PARM1: variants seen among roughly 807,000 people sequenced by gnomAD.
PARM1 encodes the protein WSC4, cell wall integrity and stress response component 4 homolog.
A neutral mutation model predicts 24.6 loss-of-function variants in PARM1; 14 were observed. The observed-to-expected ratio is 0.57, with a 90% CI of 0.38 to 0.89. The LOEUF is 0.89. PARM1 is among the 40% of genes least tolerant of loss of function. The probability of loss-of-function intolerance (pLI) is 0.00; values close to 1 mark genes in which losing one functional copy is unlikely to be tolerated. For synonymous variants in PARM1, 179 were observed against 156.6 expected (o/e 1.14, Z -1.07); for missense variants, 362 against 380.4 (o/e 0.95, Z 0.40).
At chr4:75,010,958 G>A (rs1722858889) in intron 1 of PARM1, among the ~76,000 whole-genome samples, 3 of 152,194 alleles carry the variant, frequency 2.0e-5, no homozygotes, top group African/African-American at 7.2e-5. Flanking sequence ...CTCAGCTTCT[G>A]GTGATGCCCT....
intron 1 of PARM1, among the ~76,000 whole-genome samples, chr4:74,952,191 A>G (rs975940690): frequency 2.0e-5 from 3 of 152,210 alleles, no homozygotes; most frequent in Non-Finnish European, 4.4e-5. Context: ...ATGACCAGTA[A>G]TGATGAGCTT....
rs1200551781 is a variant in PARM1, at chr4:75,049,870, T to C, written c.*3623T>C. On this transcript the variant is annotated 3_prime_UTR_variant, in exon 4 of 4. Transcript: ENST00000307428. ...TTGCCTTTAAGCCTTTTTTTTCTTT[T>C]TTTTTTTTTTGGCAAATGAATGTAC... is the stretch of plus-strand genomic sequence containing the variant. 6.6e-6 allele frequency: 1 copy of C among 151,590 alleles called. No individual in the cohort carries two copies. Among genetic ancestry groups the C allele is most frequent in the Non-Finnish European group, 1.5e-5 (1 of 67,858 alleles). 9.4% of individuals were successfully genotyped at this position (151,590 alleles called of 1,614,324 possible).
intron 1 of PARM1, among the ~76,000 whole-genome samples, chr4:74,950,442 C>A (rs2109984394): frequency 6.6e-6 from 1 of 152,254 alleles, no homozygotes; most frequent in Non-Finnish European, 1.5e-5. Flanking sequence ...CACTCTGTGT[C>A]CAAACTTCCC....
At chr4:75,036,116 T>G (rs1389332973) in intron 3 of PARM1, among the ~76,000 whole-genome samples, 3 of 152,128 alleles carry the variant, frequency 2.0e-5, no homozygotes, top group African/African-American at 7.2e-5. Context: ...AATTTTAGAG[T>G]CATTTTAGAA....
In PARM1 at chr4:75,047,622, A is replaced by T. The variant is rs965946780; in HGVS notation, c.*1375A>T. ...CTAGAAGCCAGGAATGCTGCCAAAC[A>T]TTCTACCATGCACAGCACAACCTAC... On this transcript the variant is annotated 3_prime_UTR_variant, in exon 4 of 4. Coordinates refer to ENST00000307428, the MANE Select transcript of PARM1 (RefSeq NM_015393.4). The T allele has an allele frequency of 6.6e-6, 1 of 152,226 alleles. No individual in the cohort carries two copies. Among genetic ancestry groups the T allele is most frequent in the Non-Finnish European group, 1.5e-5 (1 of 68,040 alleles). The allele number at this position is 152,226 out of a possible 1,614,324, so 9.4% of individuals were successfully genotyped here. A position where few individuals can be genotyped will look rare whatever the true frequency, so the allele number is the denominator to read the frequency against.
intron 1 of PARM1, among the ~76,000 whole-genome samples, chr4:74,978,130 T>C (rs926338495): frequency 6.6e-6 from 1 of 152,192 alleles, no homozygotes; most frequent in African/African-American, 2.4e-5. Context: ...TATCCTTAAA[T>C]GTAAATGGGC....
At chr4:74,934,153 G>T (rs1452794564) in intron 1 of PARM1, among the ~76,000 whole-genome samples, 1 of 152,150 alleles carries the variant, frequency 6.6e-6, no homozygotes, top group Non-Finnish European at 1.5e-5. Flanking sequence ...GAAGAGGGGA[G>T]CCAGATGACT....
At chr4:75,011,178 T>G (rs1722862380) in intron 1 of PARM1, among the ~76,000 whole-genome samples, 1 of 152,158 alleles carries the variant, frequency 6.6e-6, no homozygotes, top group South Asian at 2.1e-4. Flanking sequence ...CTTCCAACAC[T>G]GGCATTTACA....
intron 1 of PARM1, among the ~76,000 whole-genome samples, chr4:74,966,574 T>C (rs1303969732): frequency 6.6e-6 from 1 of 152,178 alleles, no homozygotes; most frequent in Non-Finnish European, 1.5e-5. Context: ...TTGCTGAGAC[T>C]GGACTAGGCA....
At chr4:74,934,996 C>CTTTTTTT (rs11392364) in intron 1 of PARM1, among the ~76,000 whole-genome samples, 36 of 116,482 alleles carry the variant, frequency 3.1e-4, no homozygotes, top group Middle Eastern at 4.1e-3. Context: ...GCTCTTTTTT[C>CTTTTTTT]TTTTTTTTTT....
Position 75,012,897 on chromosome 4 carries a change from C to T in PARM1, c.516C>T (p.Ser172=), listed in dbSNP as rs768156006. 30 of 1,613,850 alleles carry T rather than the reference C, an allele frequency of 1.9e-5. No individual in the cohort carries two copies. Among genetic ancestry groups the T allele is most frequent in the South Asian group, 5.5e-5 (5 of 91,082 alleles). ...STSPPEVFSA[S]VTTNHSSTVT... ...CACCACCTGAGGTCTTTTCTGCCTC[C>T]GTTACTACCAACCATAGCTCCACTG... Residue 172 remains serine, a synonymous_variant, in exon 2 of 4, where the codon TCC becomes TCT. Coordinates refer to ENST00000307428, the MANE Select transcript of PARM1 (RefSeq NM_015393.4).
At chr4:74,945,800 C>A (rs1420203312) in intron 1 of PARM1, among the ~76,000 whole-genome samples, 1 of 152,120 alleles carries the variant, frequency 6.6e-6, no homozygotes, top group African/African-American at 2.4e-5. Context: ...ATTTATTTTT[C>A]TTTTGGCAAC....
intron 2 of PARM1, among the ~76,000 whole-genome samples, chr4:75,028,271 A>G (rs1222203163): frequency 2.6e-5 from 4 of 152,250 alleles, no homozygotes; most frequent in African/African-American, 9.6e-5. Context: ...AGAGCCTAGC[A>G]TAATAAATAG....
chr4:75,029,527 T>C (rs1723239896), intron 2 of PARM1, among the ~76,000 whole-genome samples: 1 of 152,194 alleles, frequency 6.6e-6, no homozygotes, highest in South Asian at 2.1e-4. Context: ...CCTGCCACCA[T>C]GTAAGACATG....
chr4:75,020,365 C>G (rs900639922), intron 2 of PARM1, among the ~76,000 whole-genome samples: 1 of 152,154 alleles, frequency 6.6e-6, no homozygotes, highest in Non-Finnish European at 1.5e-5. Flanking sequence ...CACTCCCTAA[C>G]TCCCCTCTGT....
At position 75,047,531 on chromosome 4, in the gene PARM1, A is replaced by C. The variant is rs10015360; in HGVS notation, c.*1284A>C. 24,550 of 152,140 alleles carry C rather than the reference A, an allele frequency of 0.16. 3,225 individuals carry two copies. The highest frequency in any genetic ancestry group is 0.36 in the African/African-American group (15,012 of 41,492). 9.4% of individuals were successfully genotyped at this position (152,140 alleles called of 1,614,324 possible). On this transcript the variant is annotated 3_prime_UTR_variant, in exon 4 of 4. Transcript: ENST00000307428. ...AACCAGGAGGTGATTTTGCCCCCTG[A>C]CTCCACCCCAGGGACATTCAAAAAT...
intron 2 of PARM1, among the ~76,000 whole-genome samples, chr4:75,024,767 C>T (rs113842622): frequency 0.014 from 2,066 of 152,212 alleles, 54 homozygotes; most frequent in African/African-American, 0.048. Flanking sequence ...GGCTTGATTT[C>T]GGCTCACTGC....
chr4:74,953,994 A>C (rs1382069546), intron 1 of PARM1, among the ~76,000 whole-genome samples: 1 of 152,202 alleles, frequency 6.6e-6, no homozygotes, highest in Non-Finnish European at 1.5e-5. Context: ...CTCCTCTCCA[A>C]AGGTGACATG....
intron 2 of PARM1, among the ~76,000 whole-genome samples, chr4:75,028,280 A>C (rs1723218515): frequency 6.6e-6 from 1 of 152,268 alleles, no homozygotes; most frequent in South Asian, 2.1e-4. Flanking sequence ...CATAATAAAT[A>C]GAGATTCGGC....
Sources: allele counts gnomAD v4.1 joint callset (sites outside exome capture counted in the v4.1 genomes callset), GRCh38; gene constraint gnomAD v4.1.1; transcripts MANE v1.5; gene names NCBI Gene and HGNC (gene_info 2026-07-23, HGNC 2026-07-21).